PTPRQ: variants seen among roughly 807,000 people sequenced by gnomAD.
The protein encoded by PTPRQ is phosphatidylinositol phosphatase PTPRQ.
A neutral mutation model predicts 246.0 loss-of-function variants in PTPRQ; 199 were observed. That is an observed-to-expected ratio of 0.81 (90% CI 0.72 to 0.91). The LOEUF (loss-of-function observed/expected upper bound fraction) is 0.91, where lower values mean the gene tolerates loss of function less well. Among genes scored for constraint, PTPRQ ranks in the 40% least tolerant of loss-of-function variants. The probability of loss-of-function intolerance (pLI) is 0.00; values close to 1 mark genes in which losing one functional copy is unlikely to be tolerated. For missense variants in PTPRQ, 2,624 were observed against 2,528.4 expected (o/e 1.04, Z -0.81); for synonymous variants, 869 against 853.2 (o/e 1.02, Z -0.32).
chr12:80,471,473 C>CTTTTTTT lies in PTPRQ; in HGVS notation c.1040-632_1040-631insTTTTTTT, dbSNP rs1364723133. Reference sequence around the variant, plus strand: ...TATAGAAGATAATGAAATTATTTAGCATTTTTTTTTTTTTTTTTATTTGAG... The same window carrying CTTTTTTT: ...TATAGAAGATAATGAAATTATTTAGCTTTTTTTATTTTTTTTTTTTTTTTTATTTGAG... On this transcript the variant is annotated intron_variant, in intron 7 of 44. Coordinates refer to ENST00000644991, the MANE Select transcript of PTPRQ (RefSeq NM_001145026.2). Among the ~76,000 whole-genome samples, 12 of 38,030 alleles carry CTTTTTTT rather than the reference C, an allele frequency of 3.2e-4. No homozygotes were observed. In the South Asian group the frequency reaches 7.6e-3, roughly 24 times the overall value. 24.9% of individuals were successfully genotyped at this position (38,030 alleles called of 152,430 possible).
chr12:80,626,907 T>C (rs1899222779), intron 33 of PTPRQ, among the ~76,000 whole-genome samples: 1 of 152,136 alleles, frequency 6.6e-6, no homozygotes, highest in East Asian at 1.9e-4. Flanking sequence ...TGTTTAGAGA[T>C]ATGGTTTCTT....
At chr12:80,642,829 A>G (rs1333091238) in intron 35 of PTPRQ, among the ~76,000 whole-genome samples, 1 of 144,944 alleles carries the variant, frequency 6.9e-6, no homozygotes, top group Non-Finnish European at 1.5e-5. Flanking sequence ...CTGAGGCAGG[A>G]GAATGGCGTG....
intron 43 of PTPRQ, among the ~76,000 whole-genome samples, chr12:80,676,135 C>A (rs2121298359): frequency 6.6e-6 from 1 of 152,290 alleles, no homozygotes; most frequent in South Asian, 2.1e-4. Flanking sequence ...ATGACCACCC[C>A]TTGCCTCCAG....
intron 25 of PTPRQ, among the ~76,000 whole-genome samples, chr12:80,568,145 C>A (rs771604162): frequency 2.6e-5 from 4 of 151,902 alleles, no homozygotes; most frequent in Non-Finnish European, 4.4e-5. Flanking sequence ...TGTTCTGTGA[C>A]CTTCAAAAAT....
At chr12:80,447,646 T>C (rs1892594099) in intron 3 of PTPRQ, among the ~76,000 whole-genome samples, 1 of 150,894 alleles carries the variant, frequency 6.6e-6, no homozygotes, top group South Asian at 2.1e-4. Context: ...GCACCATTTA[T>C]TGAACAGAAT....
chr12:80,452,659 C>A (rs10746167), intron 3 of PTPRQ, among the ~76,000 whole-genome samples: 148,920 of 152,284 alleles, frequency 0.98, 72,898 homozygotes, highest in African/African-American at 1. Flanking sequence ...TTCTGGGTTG[C>A]AAATTCTTTT....
chr12:80,653,548 C>T (rs1900322118), intron 38 of PTPRQ, among the ~76,000 whole-genome samples: 1 of 152,088 alleles, frequency 6.6e-6, no homozygotes, highest in Non-Finnish European at 1.5e-5. Context: ...GTTTCAAAGT[C>T]TAGAGTTTTG....
intron 39 of PTPRQ, among the ~76,000 whole-genome samples, chr12:80,661,888 G>T (rs890113181): frequency 6.6e-6 from 1 of 151,698 alleles, no homozygotes; most frequent in Non-Finnish European, 1.5e-5. Flanking sequence ...GACTCTCTGA[G>T]GTGTGCAAGA....
At chr12:80,458,100 G>T (rs1452332694) in intron 4 of PTPRQ, among the ~76,000 whole-genome samples, 1 of 151,974 alleles carries the variant, frequency 6.6e-6, no homozygotes, top group Non-Finnish European at 1.5e-5. Flanking sequence ...GGATTTTAAT[G>T]GTTATTATAT....
intron 25 of PTPRQ, among the ~76,000 whole-genome samples, chr12:80,571,752 TA>T (rs1341352525): frequency 6.6e-6 from 1 of 152,110 alleles, no homozygotes; most frequent in Admixed American, 6.5e-5. Context: ...AAACATTTAA[TA>T]ACTATTTTAA....
chr12:80,477,035 C>T (rs1023148681), intron 8 of PTPRQ, among the ~76,000 whole-genome samples: 6 of 151,990 alleles, frequency 3.9e-5, no homozygotes, highest in African/African-American at 1.5e-4. Context: ...GTTTTTTGCC[C>T]GTTACTCCTG....
At chr12:80,444,937 G>T in intron 2 of PTPRQ, 88 bp downstream of exon 2, 2 of 1,352,672 alleles carry the variant, frequency 1.5e-6, no homozygotes, top group Non-Finnish European at 1.9e-6. Flanking sequence ...CTGGCAACAT[G>T]TACATTAAAT....
chr12:80,500,198 ATT>A (rs1197875866), intron 14 of PTPRQ, among the ~76,000 whole-genome samples: 1 of 151,920 alleles, frequency 6.6e-6, no homozygotes, highest in Admixed American at 6.6e-5. Context: ...TGGACTATGT[ATT>A]TTTTCTGTTT....
intron 1 of PTPRQ, 85 bp from the exon 2 acceptor site, chr12:80,444,656 A>C (rs1206625263): frequency 1.0e-6 from 1 of 1,000,834 alleles, no homozygotes; most frequent in Non-Finnish European, 1.5e-6. Flanking sequence ...TGAAGAGTTA[A>C]TTTTTGTTAT....
chr12:80,604,810 T>G (rs1323792060), intron 26 of PTPRQ, among the ~76,000 whole-genome samples: 5 of 151,504 alleles, frequency 3.3e-5, no homozygotes, highest in Non-Finnish European at 7.4e-5. Context: ...TATTTCAAGT[T>G]TTAAAATAAT....
chr12:80,544,919 A>T lies in PTPRQ; in HGVS notation c.3874-1637A>T, dbSNP rs192203401. Among the ~76,000 whole-genome samples, 65 of 152,288 alleles carry T rather than the reference A, an allele frequency of 4.3e-4. No individual in the cohort carries two copies. In the East Asian group the frequency reaches 0.011, roughly 26 times the overall value. On this transcript the variant is annotated intron_variant, in intron 23 of 44. Coordinates refer to ENST00000644991, the MANE Select transcript of PTPRQ (RefSeq NM_001145026.2). The stretch of plus-strand genomic sequence containing the variant: ...CCACAGATAATAAAATCAATAGGTG[A>T]CTTAGGTCACTCACACATACTGAAA...
At chr12:80,473,690 C>T (rs1184387727) in intron 8 of PTPRQ, among the ~76,000 whole-genome samples, 1 of 152,152 alleles carries the variant, frequency 6.6e-6, no homozygotes, top group African/African-American at 2.4e-5. Flanking sequence ...TGTACAATGT[C>T]ATGTTATTTG....
chr12:80,544,301 T>G (rs1433201283), intron 23 of PTPRQ, among the ~76,000 whole-genome samples: 1 of 152,122 alleles, frequency 6.6e-6, no homozygotes, highest in Non-Finnish European at 1.5e-5. Flanking sequence ...ATGTTAGCTA[T>G]TGTTGCTGTA....
intron 19 of PTPRQ, among the ~76,000 whole-genome samples, chr12:80,536,286 T>G (rs1431574885): frequency 3.3e-5 from 5 of 152,212 alleles, no homozygotes; most frequent in Admixed American, 2.6e-4. Context: ...TAATCCCATT[T>G]GTGACTGACA....
Sources: gnomAD v4.1 joint callset for allele counts (sites outside exome capture counted in the v4.1 genomes callset) on GRCh38, gnomAD v4.1.1 for gene constraint, MANE v1.5 for transcripts, NCBI Gene and HGNC (gene_info 2026-07-23, HGNC 2026-07-21) for gene names.